The following GAS7 variants were observed in gnomAD, a reference collection of about 807,000 sequenced individuals.
GAS7 encodes the protein growth arrest-specific protein 7.
GAS7 carries 28 observed loss-of-function variants against 71.1 expected under a neutral mutation model. The observed-to-expected ratio is 0.39, with a 90% CI of 0.29 to 0.54. GAS7 has a LOEUF of 0.54. Among genes scored for constraint, GAS7 ranks in the 20% least tolerant of loss-of-function variants. The probability of loss-of-function intolerance (pLI) is 0.62; values close to 1 mark genes in which losing one functional copy is unlikely to be tolerated. For missense variants in GAS7, 436 were observed against 627.8 expected, an observed-to-expected ratio of 0.69 and a Z score of 3.27; for synonymous variants, 258 against 245.8, an observed-to-expected ratio of 1.05 and a Z score of -0.46.
intron 1 of GAS7, among the ~76,000 whole-genome samples, chr17:10,121,473 T>C (rs2073903953): frequency 1.3e-5 from 2 of 152,180 alleles, no homozygotes; most frequent in South Asian, 4.1e-4. Context: ...TGGGTGATGC[T>C]GGGGAAATTA....
intron 2 of GAS7, among the ~76,000 whole-genome samples, chr17:10,002,894 A>T (rs2071323575): frequency 6.6e-6 from 1 of 152,216 alleles, no homozygotes; most frequent in Admixed American, 6.5e-5. Flanking sequence ...TCTTTATAGC[A>T]GCATGATTCA....
rs1044246388 is a variant in GAS7, at chr17:9,919,518, A to G, written c.1218+108T>C. 55 of 818,742 alleles carry G rather than the reference A, an allele frequency of 6.7e-5. No homozygotes were observed. Among genetic ancestry groups the G allele is most frequent in the South Asian group, 5.7e-4 (42 of 74,300 alleles). 50.7% of individuals were successfully genotyped at this position (818,742 alleles called of 1,614,324 possible). Reference sequence around the variant, plus strand: ...CAACACTGAAGTAGATTTGATGACCATCTCCAGGGTCACTCCACCCCATCA... The same window carrying G: ...CAACACTGAAGTAGATTTGATGACCGTCTCCAGGGTCACTCCACCCCATCA... On this transcript the variant is annotated intron_variant, in intron 12 of 13. Coordinates refer to ENST00000432992, the MANE Select transcript of GAS7 (RefSeq NM_201433.2). The surrounding 1 kb of genome is among the most constrained non-coding windows in gnomAD (Gnocchi z 5.0).
chr17:10,149,801 T>A (rs2074149840), intron 1 of GAS7, among the ~76,000 whole-genome samples: 1 of 152,204 alleles, frequency 6.6e-6, no homozygotes. Context: ...ACAATACAGA[T>A]AAACCTCGAA....
At chr17:10,173,852 G>A (rs1597835152) in intron 1 of GAS7, among the ~76,000 whole-genome samples, 1 of 152,184 alleles carries the variant, frequency 6.6e-6, no homozygotes, top group East Asian at 1.9e-4. Flanking sequence ...CATGGGGGTG[G>A]GAGGTGGCTG....
chr17:10,067,036 C>G (rs1164486750), intron 1 of GAS7, among the ~76,000 whole-genome samples: 2 of 152,080 alleles, frequency 1.3e-5, no homozygotes, highest in East Asian at 3.9e-4. Context: ...GTACACAAAG[C>G]ATTAAAAATT....
Position 9,999,015 on chromosome 17 carries a change from G to T in GAS7, c.305-17131C>A, listed in dbSNP as rs74802649. 1.6e-3 allele frequency among the ~76,000 whole-genome samples: 244 copies of T among 152,248 alleles called. 6 individuals are homozygous for T. In the East Asian group the frequency reaches 0.038, roughly 24 times the overall value. The stretch of plus-strand genomic sequence containing the variant: ...ATGTTGAACTGTAGCTTTTTAACAG[G>T]CTCCAAGCAGTGCTTCCATAATCTC... On this transcript the variant is annotated intron_variant, in intron 2 of 13. Coordinates refer to ENST00000432992, the MANE Select transcript of GAS7 (RefSeq NM_201433.2).
chr17:10,085,404 C>T (rs2073506254), intron 1 of GAS7, among the ~76,000 whole-genome samples: 1 of 152,148 alleles, frequency 6.6e-6, no homozygotes, highest in South Asian at 2.1e-4. Flanking sequence ...ACCATACCAG[C>T]CGGGCGCAGT....
rs144419092 is a variant in GAS7 at position 9,950,066 on chromosome 17, G to A, written c.526-3083C>T. ...TTTAGCAGAGACAGGATTTCACCAC[G>A]TTGGCCAGGCTGGTCTCAAACTCCT... On this transcript the variant is annotated intron_variant, in intron 5 of 13. Coordinates refer to ENST00000432992, the MANE Select transcript of GAS7 (RefSeq NM_201433.2). Among the ~76,000 whole-genome samples, 366 of 152,048 alleles carry A rather than the reference G, an allele frequency of 2.4e-3. 1 individual carries two copies. The highest frequency in any genetic ancestry group is 0.013 in the South Asian group (65 of 4,820).
At chr17:10,094,085 C>A (rs1239887411) in intron 1 of GAS7, among the ~76,000 whole-genome samples, 1 of 152,220 alleles carries the variant, frequency 6.6e-6, no homozygotes, top group East Asian at 1.9e-4. Flanking sequence ...AGACCTATGG[C>A]AGCTGCCATG....
chr17:10,170,529 G>A (rs2074328482), intron 1 of GAS7, among the ~76,000 whole-genome samples: 1 of 152,126 alleles, frequency 6.6e-6, no homozygotes, highest in Non-Finnish European at 1.5e-5. Context: ...TATCTTCCAG[G>A]GCTTTGCACA....
chr17:9,920,889 T>TA (rs976293082), intron 11 of GAS7, among the ~76,000 whole-genome samples: 12 of 152,296 alleles, frequency 7.9e-5, no homozygotes, highest in African/African-American at 2.6e-4. Flanking sequence ...GTGACTCCTA[T>TA]AGTATCATCA....
At chr17:10,130,690 A>T (rs536552936) in intron 1 of GAS7, among the ~76,000 whole-genome samples, 1 of 152,372 alleles carries the variant, frequency 6.6e-6, no homozygotes, top group South Asian at 2.1e-4. Flanking sequence ...ATGAAGTCCT[A>T]ATACATGCTA....
chr17:9,973,354 A>G (rs1444997211), intron 3 of GAS7, among the ~76,000 whole-genome samples: 4 of 152,066 alleles, frequency 2.6e-5, no homozygotes, highest in African/African-American at 9.6e-5. Context: ...CCCGGGTTCA[A>G]GTGATTCTCC....
intron 1 of GAS7, among the ~76,000 whole-genome samples, chr17:10,126,443 C>T (rs575214292): frequency 1.8e-4 from 27 of 149,460 alleles, no homozygotes; most frequent in Non-Finnish European, 3.7e-4. Context: ...GATGCACACA[C>T]GCGCGCGCGC....
chr17:10,129,308 G>A (rs1040001880), intron 1 of GAS7, among the ~76,000 whole-genome samples: 1 of 152,178 alleles, frequency 6.6e-6, no homozygotes, highest in South Asian at 2.1e-4. Context: ...GCTGAGGTAG[G>A]TGCATCACTT....
At chr17:9,965,928 G>A (rs2069689314) in intron 4 of GAS7, among the ~76,000 whole-genome samples, 1 of 152,044 alleles carries the variant, frequency 6.6e-6, no homozygotes, top group African/African-American at 2.4e-5. Context: ...ACATAGTATG[G>A]TGGGGACACG....
At chr17:10,099,477 G>A (rs187851711) in intron 1 of GAS7, among the ~76,000 whole-genome samples, 3 of 152,294 alleles carry the variant, frequency 2.0e-5, no homozygotes, top group Admixed American at 6.5e-5. Context: ...TCTTTCCACC[G>A]CCCTGGAGTG....
chr17:9,988,913 A>G (rs983489854), intron 2 of GAS7, among the ~76,000 whole-genome samples: 5 of 147,416 alleles, frequency 3.4e-5, no homozygotes, highest in African/African-American at 1.3e-4. Context: ...CAGTGGCGCG[A>G]TATCAGCTCA....
chr17:10,143,508 C>CTA, intron 1 of GAS7, among the ~76,000 whole-genome samples: 1 of 148,962 alleles, frequency 6.7e-6, no homozygotes, highest in African/African-American at 2.5e-5. Flanking sequence ...TGCCATTGCA[C>CTA]TACAGCCTGG....
Sources: allele counts gnomAD v4.1 joint callset (sites outside exome capture counted in the v4.1 genomes callset), GRCh38; gene constraint gnomAD v4.1.1; non-coding constraint Gnocchi (gnomAD v3.1); transcripts MANE v1.5; gene names NCBI Gene and HGNC (gene_info 2026-07-23, HGNC 2026-07-21).